EML6: variants seen among roughly 807,000 people sequenced by gnomAD.
EML6 encodes echinoderm microtubule-associated protein-like 6.
A neutral mutation model predicts 240.1 loss-of-function variants in EML6; 154 were observed. That is an observed-to-expected ratio of 0.64 (90% CI 0.56 to 0.73). The LOEUF (loss-of-function observed/expected upper bound fraction) is 0.73. Ranked by LOEUF, EML6 falls within the 30% of genes least tolerant of loss-of-function variation. EML6 has a pLI of 0.00. For missense variants in EML6, 2,964 were observed against 2,474.6 expected, an observed-to-expected ratio of 1.20 and a Z score of -4.20; for synonymous variants, 1,148 against 899.0, an observed-to-expected ratio of 1.28 and a Z score of -4.95.
At chr2:54,829,229 G>A in intron 6 of EML6, 113 bp from the exon 7 acceptor site, 1 of 940,150 alleles carries the variant, frequency 1.1e-6, no homozygotes, top group Non-Finnish European at 1.6e-6. Context: ...AGAGAACAAA[G>A]GGGTTTTATT....
chr2:54,854,422 T>C (rs1169289662), intron 11 of EML6, among the ~76,000 whole-genome samples: 3 of 152,228 alleles, frequency 2.0e-5, no homozygotes, highest in Non-Finnish European at 4.4e-5. Context: ...ATTGTTTGAC[T>C]TCAGTTATGT....
intron 40 of EML6, among the ~76,000 whole-genome samples, 172 bp downstream of exon 40, chr2:54,968,453 A>C (rs1401028013): frequency 6.6e-6 from 1 of 152,190 alleles, no homozygotes; most frequent in African/African-American, 2.4e-5. Context: ...GGAAGCCAGA[A>C]GGGAGGATGG....
intron 2 of EML6, among the ~76,000 whole-genome samples, chr2:54,744,359 C>A (rs1160771226): frequency 1.3e-5 from 2 of 151,990 alleles, no homozygotes; most frequent in Admixed American, 6.6e-5. Flanking sequence ...GGCAAAGTGA[C>A]CCCGAGGGAT....
intron 5 of EML6, among the ~76,000 whole-genome samples, chr2:54,823,856 C>CTCTCTCTCTCTCTCTCTCTG (rs1668447579): frequency 6.8e-6 from 1 of 146,140 alleles, no homozygotes; most frequent in Non-Finnish European, 1.5e-5. Context: ...TTCATTCTCT[C>CTCTCTCTCTCTCTCTCTCTG]TCTCTCTCTC....
chr2:54,886,221 A>G (rs1010554938), intron 17 of EML6, among the ~76,000 whole-genome samples: 7 of 126,350 alleles, frequency 5.5e-5, no homozygotes, highest in Non-Finnish European at 9.3e-5. Flanking sequence ...GCTGGAGTGC[A>G]GTGGCGTGAT....
intron 8 of EML6, among the ~76,000 whole-genome samples, chr2:54,845,947 T>C (rs755085648): frequency 3.9e-5 from 6 of 152,226 alleles, no homozygotes; most frequent in Non-Finnish European, 5.9e-5. Context: ...TACTAATTGA[T>C]GGAAGTCAGA....
At chr2:54,738,324 TTAGAA>T (rs1404422261) in intron 2 of EML6, among the ~76,000 whole-genome samples, 3 of 152,234 alleles carry the variant, frequency 2.0e-5, no homozygotes, top group African/African-American at 7.2e-5. Flanking sequence ...GAATTTCTGC[TTAGAA>T]TAGGACTTCT....
intron 21 of EML6, among the ~76,000 whole-genome samples, chr2:54,896,809 C>T (rs1394374924): frequency 2.6e-5 from 4 of 152,150 alleles, no homozygotes; most frequent in African/African-American, 9.7e-5. Flanking sequence ...CACTATGGCT[C>T]AGGACACTGC....
At chr2:54,923,367 G>GCACACACACACACACACACACACACA (rs113101367) in intron 26 of EML6, among the ~76,000 whole-genome samples, 1 of 144,364 alleles carries the variant, frequency 6.9e-6, no homozygotes. Flanking sequence ...CTCACCAAAC[G>GCACACACACACACACACACACACACA]CACACACACA....
chr2:54,799,969 G>A (rs1353196799), intron 2 of EML6, among the ~76,000 whole-genome samples: 1 of 152,194 alleles, frequency 6.6e-6, no homozygotes, highest in Admixed American at 6.5e-5. Flanking sequence ...GTTTCGGCCA[G>A]GTGTGGTGGC....
intron 2 of EML6, among the ~76,000 whole-genome samples, chr2:54,790,953 C>T (rs902536982): frequency 6.6e-6 from 1 of 151,916 alleles, no homozygotes; most frequent in African/African-American, 2.4e-5. Context: ...TCTCGATCTC[C>T]TGACCTCGTG....
chr2:54,925,132 C>T (rs2104371695), intron 26 of EML6, among the ~76,000 whole-genome samples: 1 of 152,248 alleles, frequency 6.6e-6, no homozygotes. Context: ...GGGCCCTAAT[C>T]TGATAGAATC....
chr2:54,865,641 T>G (rs902898649), intron 13 of EML6, among the ~76,000 whole-genome samples: 9 of 152,242 alleles, frequency 5.9e-5, no homozygotes, highest in African/African-American at 2.2e-4. Context: ...GTTTTGGATT[T>G]GGAATGCTCA....
chr2:54,869,146 T>A (rs1393666853), intron 14 of EML6, 35 bp from the exon 15 acceptor site: 1 of 1,455,296 alleles, frequency 6.9e-7, no homozygotes, highest in Non-Finnish European at 9.4e-7. Context: ...TGCTGTTTGT[T>A]CAACCACTAT....
At chr2:54,921,305 C>G (rs963714529) in intron 26 of EML6, among the ~76,000 whole-genome samples, 4 of 152,048 alleles carry the variant, frequency 2.6e-5, no homozygotes, top group Admixed American at 6.5e-5. Context: ...TTTTTATATA[C>G]TTAGACTATC....
rs900443182 is a variant in EML6, at chr2:54,847,565, G to T, written c.1129G>T (p.Asp377Tyr). The T allele has an allele frequency of 6.4e-7, 1 of 1,552,316 alleles. No homozygotes were observed. Among genetic ancestry groups the T allele is most frequent in the Non-Finnish European group, 8.7e-7 (1 of 1,147,140 alleles). Reference sequence around the variant, plus strand: ...GGTTCGCAGTGTAGCTTTCAGCCCCGACGGATCTCAGCTGGCCCTGGGCAT... The same window carrying T: ...GGTTCGCAGTGTAGCTTTCAGCCCCTACGGATCTCAGCTGGCCCTGGGCAT... ...EAVRSVAFSP[D>Y]GSQLALGMKD... Residue 377 changes from aspartate to tyrosine, a missense_variant, in exon 9 of 42, where the codon GAC becomes TAC. By Grantham distance (160) the Asp-to-Tyr change is radical (BLOSUM62 -3). Transcript: ENST00000356458.
Position 54,827,621 on chromosome 2 carries a change from CAG to C in EML6, c.582_583del (p.Asp196SerfsTer23), listed in dbSNP as rs1272595642. On this transcript the variant is annotated frameshift_variant, in exon 6 of 42. Transcript: ENST00000356458. LOFTEE classifies it high-confidence loss of function. Reference sequence around the variant, plus strand: ...GCAAAAAGAGGGATATTTGGCAAAACAGGGGATCTTCAGACCATCCTTTGCCT... The same window carrying C: ...GCAAAAAGAGGGATATTTGGCAAAACGGGATCTTCAGACCATCCTTTGCCT... The C allele has an allele frequency of 7.7e-6, 12 of 1,551,576 alleles. No individual in the cohort carries two copies. The highest frequency in any genetic ancestry group is 3.6e-5 in the South Asian group (3 of 84,066).
intron 17 of EML6, among the ~76,000 whole-genome samples, chr2:54,890,572 C>A (rs765221404): frequency 3.9e-5 from 6 of 152,166 alleles, no homozygotes; most frequent in African/African-American, 1.4e-4. Flanking sequence ...GCTTCAACTT[C>A]TAAACAATAT....
At chr2:54,909,025 G>C (rs2104273250) in intron 24 of EML6, among the ~76,000 whole-genome samples, 1 of 152,314 alleles carries the variant, frequency 6.6e-6, no homozygotes, top group East Asian at 1.9e-4. Context: ...TTACTTCACT[G>C]AGAGATTTTT....
Sources: gnomAD v4.1 joint callset for allele counts (sites outside exome capture counted in the v4.1 genomes callset) on GRCh38, gnomAD v4.1.1 for gene constraint, MANE v1.5 for transcripts, NCBI Gene and HGNC (gene_info 2026-07-23, HGNC 2026-07-21) for gene names.